The following SPATS2 variants were observed in gnomAD, a reference collection of about 807,000 sequenced individuals.
SPATS2 encodes the protein spermatogenesis associated serine rich 2.
A neutral mutation model predicts 63.7 loss-of-function variants in SPATS2; 38 were observed. The observed-to-expected ratio is 0.60, with a 90% confidence interval of 0.46 to 0.78. The LOEUF (loss-of-function observed/expected upper bound fraction) is 0.78. SPATS2 is among the 30% of genes least tolerant of loss of function. The probability of loss-of-function intolerance (pLI) is 0.00; values close to 1 mark genes in which losing one functional copy is unlikely to be tolerated. For missense variants in SPATS2, 588 were observed against 666.2 expected, an observed-to-expected ratio of 0.88 and a Z score of 1.29; for synonymous variants, 207 against 232.9, an observed-to-expected ratio of 0.89 and a Z score of 1.01.
chr12:49,473,188 G>C (rs1157526285), intron 3 of SPATS2, among the ~76,000 whole-genome samples: 1 of 152,100 alleles, frequency 6.6e-6, no homozygotes, highest in Non-Finnish European at 1.5e-5. Flanking sequence ...GCCGAGACAG[G>C]CAAATCACCT....
intron 4 of SPATS2, among the ~76,000 whole-genome samples, chr12:49,487,281 A>C: frequency 6.6e-6 from 1 of 152,176 alleles, no homozygotes; most frequent in East Asian, 1.9e-4. Context: ...GAGTGAGGTC[A>C]GGAGTTCGAG....
chr12:49,448,531 G>A (rs558151793), intron 2 of SPATS2, among the ~76,000 whole-genome samples: 2 of 151,088 alleles, frequency 1.3e-5, no homozygotes, highest in African/African-American at 4.8e-5. Flanking sequence ...AAACTATGTT[G>A]TTTATTTGTG....
chr12:49,382,032 A>T lies in SPATS2; in HGVS notation c.-244+10742A>T, dbSNP rs575033645. On this transcript the variant is annotated intron_variant, in intron 2 of 13. Coordinates refer to ENST00000552918, the MANE Select transcript of SPATS2 (RefSeq NM_023071.4). Reference sequence around the variant, plus strand: ...ATGCATTCAGGAACTGGTGATTCAGATATCTTCTGAAGGCCCTCTCTCCCT... The same window carrying T: ...ATGCATTCAGGAACTGGTGATTCAGTTATCTTCTGAAGGCCCTCTCTCCCT... 4.6e-5 allele frequency among the ~76,000 whole-genome samples: 7 copies of T among 152,284 alleles called. No homozygotes were observed. The East Asian group carries it at 1.3e-3, about 29-fold the overall frequency.
intron 3 of SPATS2, among the ~76,000 whole-genome samples, chr12:49,470,057 T>C (rs922744987): frequency 6.6e-6 from 1 of 152,082 alleles, no homozygotes; most frequent in African/African-American, 2.4e-5. Flanking sequence ...AGATGGAGTT[T>C]TGCTTTTGTT....
chr12:49,507,626 T>C (rs1946675052), intron 9 of SPATS2, among the ~76,000 whole-genome samples: 1 of 152,260 alleles, frequency 6.6e-6, no homozygotes, highest in South Asian at 2.1e-4. Context: ...TAATTTTTAT[T>C]TCCTGCGTTC....
chr12:49,369,806 C>T (rs1170832541), intron 1 of SPATS2, among the ~76,000 whole-genome samples: 1 of 152,190 alleles, frequency 6.6e-6, no homozygotes, highest in African/African-American at 2.4e-5. Context: ...ACTGTGCATA[C>T]GTGGCACTCT....
intron 11 of SPATS2, among the ~76,000 whole-genome samples, chr12:49,521,466 C>T (rs370710998): frequency 1.3e-5 from 2 of 152,032 alleles, no homozygotes. Context: ...AGAAAGGCCT[C>T]CTCACATTGA....
At chr12:49,501,317 A>G (rs528777577) in intron 9 of SPATS2, among the ~76,000 whole-genome samples, 4 of 152,132 alleles carry the variant, frequency 2.6e-5, no homozygotes, top group Non-Finnish European at 5.9e-5. Context: ...GTGTCATTCC[A>G]TGGCAGATGG....
chr12:49,440,527 G>C (rs139594953), intron 2 of SPATS2, among the ~76,000 whole-genome samples: 7 of 149,054 alleles, frequency 4.7e-5, no homozygotes, highest in African/African-American at 1.5e-4. Flanking sequence ...GCAGTGCAGT[G>C]GTGCGATCTT....
At chr12:49,476,345 A>G (rs1167286250) in intron 3 of SPATS2, among the ~76,000 whole-genome samples, 1 of 152,006 alleles carries the variant, frequency 6.6e-6, no homozygotes, top group Non-Finnish European at 1.5e-5. Context: ...CCAGGGAAAA[A>G]CCGTCTCCCT....
chr12:49,469,844 C>T (rs900635115), intron 3 of SPATS2, among the ~76,000 whole-genome samples: 5 of 151,552 alleles, frequency 3.3e-5, no homozygotes, highest in Admixed American at 1.3e-4. Context: ...GCCAAGGTCA[C>T]GCCACTGCAC....
At chr12:49,403,394 G>A (rs1455433819) in intron 2 of SPATS2, among the ~76,000 whole-genome samples, 4 of 152,046 alleles carry the variant, frequency 2.6e-5, no homozygotes, top group Admixed American at 1.3e-4. Context: ...TTGGGAGGCC[G>A]AGGTGGGTGG....
intron 2 of SPATS2, among the ~76,000 whole-genome samples, chr12:49,448,140 CTTTT>C (rs572119924): frequency 3.0e-5 from 4 of 132,134 alleles, no homozygotes; most frequent in Non-Finnish European, 3.4e-5. Context: ...TATTTTCTTT[CTTTT>C]TTTTTTTTTT....
At chr12:49,516,663 G>A (rs1480180964) in intron 10 of SPATS2, among the ~76,000 whole-genome samples, 6 of 150,630 alleles carry the variant, frequency 4.0e-5, no homozygotes, top group Admixed American at 1.3e-4. Flanking sequence ...CCGAGATTGC[G>A]CCACTGCACT....
At chr12:49,509,802 G>A (rs1946717367) in intron 9 of SPATS2, among the ~76,000 whole-genome samples, 1 of 137,234 alleles carries the variant, frequency 7.3e-6, no homozygotes, top group African/African-American at 2.8e-5. Flanking sequence ...GGGCAACAGA[G>A]CAAGTCTCAA....
intron 2 of SPATS2, among the ~76,000 whole-genome samples, chr12:49,450,354 A>G (rs1399493582): frequency 6.6e-6 from 1 of 151,762 alleles, no homozygotes; most frequent in Non-Finnish European, 1.5e-5. Context: ...GGTTCACGCC[A>G]TTCTCCTGCC....
intron 10 of SPATS2, among the ~76,000 whole-genome samples, chr12:49,517,334 T>C (rs1241537898): frequency 6.6e-6 from 1 of 152,264 alleles, no homozygotes; most frequent in East Asian, 1.9e-4. Flanking sequence ...TGTGTGCATC[T>C]CTGTGGCAGT....
intron 9 of SPATS2, among the ~76,000 whole-genome samples, chr12:49,507,712 T>A (rs543681996): frequency 4.1e-4 from 63 of 152,356 alleles, no homozygotes; most frequent in Admixed American, 1.8e-3. Context: ...TTCAATGTGA[T>A]CTTTTCACTT....
intron 2 of SPATS2, among the ~76,000 whole-genome samples, chr12:49,424,490 C>T (rs1208707961): frequency 6.6e-6 from 1 of 152,072 alleles, no homozygotes; most frequent in Non-Finnish European, 1.5e-5. Flanking sequence ...GACTTGTTGA[C>T]AGTTAGTATT....
Sources: gnomAD v4.1 joint callset for allele counts (sites outside exome capture counted in the v4.1 genomes callset) on GRCh38, gnomAD v4.1.1 for gene constraint, MANE v1.5 for transcripts, NCBI Gene and HGNC (gene_info 2026-07-23, HGNC 2026-07-21) for gene names.